EPB41L2: variants seen among roughly 807,000 people sequenced by gnomAD.
EPB41L2 encodes the protein erythrocyte membrane protein band 4.1 like 2.
Under a neutral mutation model 113.0 loss-of-function variants are expected in EPB41L2, and 43 were observed. That is an observed-to-expected ratio of 0.38 (90% CI 0.30 to 0.49). EPB41L2 has a LOEUF of 0.49. Ranked by LOEUF, EPB41L2 falls within the 20% of genes least tolerant of loss-of-function variation. The pLI, the probability that EPB41L2 is intolerant of heterozygous loss-of-function variation, is 0.95. For missense variants in EPB41L2, 1,147 were observed against 1,223.4 expected, an observed-to-expected ratio of 0.94 and a Z score of 0.93; for synonymous variants, 442 against 436.7, an observed-to-expected ratio of 1.01 and a Z score of -0.15.
chr6:130,962,589 A>G (rs1311947959), intron 1 of EPB41L2, among the ~76,000 whole-genome samples: 1 of 152,194 alleles, frequency 6.6e-6, no homozygotes, highest in African/African-American at 2.4e-5. Context: ...TTTATTTTTA[A>G]AAGGATAAGG....
rs1462680470 is a variant in EPB41L2, at chr6:130,926,678, T to C, written c.737A>G (p.Lys246Arg). Residue 246 changes from lysine (K) to arginine (R), a missense_variant, in exon 4 of 20, where the codon AAA (lysine) becomes AGA (arginine). Transcript: ENST00000337057. ...CAAGAGATTGAGGTGTTCACACACT[T>C]TGTCAAATAACACTTGTCCCTTGGC... ...KHAKGQVLFD[K>R]VCEHLNLLEK... is the part of the protein sequence containing the mutation. The C allele has an allele frequency of 1.2e-6, 2 of 1,608,462 alleles. No individual in the cohort carries two copies. The highest frequency in any genetic ancestry group is 1.7e-6 in the Non-Finnish European group (2 of 1,178,750).
In EPB41L2 at chr6:130,978,768, G is replaced by A. The variant is rs568302112; in HGVS notation, c.-14-22269C>T. 7 of 152,214 alleles carry A rather than the reference G, an allele frequency of 4.6e-5. No individual in the cohort carries two copies. The South Asian group carries it at 1.2e-3, about 27-fold the overall frequency. The allele number at this position is 152,214 out of a possible 1,614,324, so 9.4% of individuals were successfully genotyped here. The stretch of plus-strand genomic sequence containing the variant: ...AGTGTGAGAGCAGGGCATTTAAATA[G>A]CTAACTACAAAGGGAATAAGAGCTA... On this transcript the variant is annotated intron_variant, in intron 1 of 19. Coordinates refer to ENST00000337057, the MANE Select transcript of EPB41L2 (RefSeq NM_001431.4).
intron 1 of EPB41L2, among the ~76,000 whole-genome samples, chr6:131,028,951 C>T (rs557838843): frequency 5.3e-5 from 8 of 152,186 alleles, no homozygotes; most frequent in Non-Finnish European, 1.0e-4. Flanking sequence ...TTTGAATAGC[C>T]AGATTACTAA....
At chr6:130,864,719 A>G (rs577706374) in intron 17 of EPB41L2, among the ~76,000 whole-genome samples, 24 of 152,370 alleles carry the variant, frequency 1.6e-4, no homozygotes, top group African/African-American at 4.3e-4. Flanking sequence ...GATATGCTTT[A>G]AAATGAGCAC....
chr6:130,840,763 G>A (rs1287420245), intron 19 of EPB41L2, among the ~76,000 whole-genome samples, 165 bp from the exon 20 acceptor site: 1 of 152,152 alleles, frequency 6.6e-6, no homozygotes, highest in Non-Finnish European at 1.5e-5. Flanking sequence ...ACAAGCATGA[G>A]ACACTATTCC....
At position 130,870,085 on chromosome 6, in the gene EPB41L2, C is replaced by G. The variant is rs755319775; in HGVS notation, c.2085G>C (p.Arg695=). ...CTCTTTCGTCTTTCCCAACCTCTGCCCGCTTCTTCTCCTCCACTATATTCA... is the reference window on the plus strand; with the variant it reads ...CTCTTTCGTCTTTCCCAACCTCTGCGCGCTTCTTCTCCTCCACTATATTCA... ...ETLNIVEEKK[R]AEVGKDERVI... is the part of the protein sequence containing the mutation. The change falls in exon 15 of 20, where the codon CGG becomes CGC. Residue 695 remains arginine (R), a synonymous_variant. Transcript: ENST00000337057. The G allele has an allele frequency of 1.2e-6, 2 of 1,613,668 alleles. No individual in the cohort carries two copies. The highest frequency in any genetic ancestry group is 1.7e-5 in the Admixed American group (1 of 59,968).
intron 1 of EPB41L2, among the ~76,000 whole-genome samples, chr6:130,992,636 C>CTT (rs35391247): frequency 0.015 from 2,148 of 145,406 alleles, 51 homozygotes; most frequent in African/African-American, 0.051. Flanking sequence ...AATTCAAATT[C>CTT]TTTTTTTTTT....
At chr6:130,880,230 G>A in intron 12 of EPB41L2, 24 bp from the exon 13 acceptor site, 1 of 1,549,744 alleles carries the variant, frequency 6.5e-7, no homozygotes, top group Non-Finnish European at 8.9e-7. Context: ...TCACACACAG[G>A]GGGGAAAAGG....
chr6:130,908,638 A>C (rs1306067052), intron 5 of EPB41L2, among the ~76,000 whole-genome samples, 183 bp downstream of exon 5: 1 of 152,222 alleles, frequency 6.6e-6, no homozygotes, highest in Non-Finnish European at 1.5e-5. Flanking sequence ...GAACCTTCCC[A>C]AAAGTAGGAG....
At position 131,003,123 on chromosome 6, in the gene EPB41L2, TA is replaced by T. The variant is rs140385432; in HGVS notation, c.-14-46625del. 0.012 allele frequency among the ~76,000 whole-genome samples: 1,785 copies of T among 151,368 alleles called. 195 individuals carry two copies. In the East Asian group the frequency reaches 0.28, roughly 24 times the overall value. On this transcript the variant is annotated intron_variant, in intron 1 of 19. Coordinates refer to ENST00000337057, the MANE Select transcript of EPB41L2 (RefSeq NM_001431.4). ...TCTCTTTTTAAGTGTCACTTAGTTA[TA>T]AAATTCTACATTTAAAAAAAAATCA... is the stretch of plus-strand genomic sequence containing the variant.
chr6:131,057,913 G>A (rs1394940367), intron 1 of EPB41L2, among the ~76,000 whole-genome samples: 5 of 152,176 alleles, frequency 3.3e-5, no homozygotes, highest in African/African-American at 9.7e-5. Flanking sequence ...AACCTGGAAA[G>A]AACTAAAATG....
intron 3 of EPB41L2, among the ~76,000 whole-genome samples, chr6:130,951,312 C>CTTTTTTTTTT (rs34082234): frequency 2.0e-5 from 1 of 50,818 alleles, no homozygotes; most frequent in African/African-American, 1.3e-4. Flanking sequence ...AGCCTCAGTA[C>CTTTTTTTTTT]TTTTTTTTTT....
intron 8 of EPB41L2, among the ~76,000 whole-genome samples, chr6:130,896,558 C>T (rs1455829690): frequency 6.6e-6 from 1 of 152,184 alleles, no homozygotes; most frequent in Non-Finnish European, 1.5e-5. Flanking sequence ...AATCTTTGGA[C>T]AGGACAAGGA....
At position 130,983,709 on chromosome 6, in the gene EPB41L2, T is replaced by C. The variant is rs1368829994; in HGVS notation, c.-14-27210A>G. Reference sequence around the variant, plus strand: ...TGCCCTGCTGATTTTTTTTATTTTTTGTAGAGATGGGATTGCACCATGTTG... The same window carrying C: ...TGCCCTGCTGATTTTTTTTATTTTTCGTAGAGATGGGATTGCACCATGTTG... On this transcript the variant is annotated intron_variant, in intron 1 of 19. Transcript: ENST00000337057. Among the ~76,000 whole-genome samples the C allele has an allele frequency of 2.0e-5, 3 of 151,868 alleles. No homozygotes were observed. The East Asian group carries it at 5.8e-4, about 30-fold the overall frequency.
chr6:130,903,134 A>G (rs564161031), intron 6 of EPB41L2, among the ~76,000 whole-genome samples: 7 of 152,142 alleles, frequency 4.6e-5, no homozygotes, highest in Non-Finnish European at 1.0e-4. Context: ...CAAACTTGCA[A>G]TCACCAAAGG....
intron 6 of EPB41L2, among the ~76,000 whole-genome samples, chr6:130,903,122 T>C (rs1489130839): frequency 6.6e-6 from 1 of 152,132 alleles, no homozygotes; most frequent in African/African-American, 2.4e-5. Flanking sequence ...GTACTGATGC[T>C]ACAAACTTGC....
At chr6:130,881,228 C>T (rs925809738) in intron 12 of EPB41L2, 3 of 152,208 alleles carry the variant, frequency 2.0e-5, no homozygotes, top group Admixed American at 1.3e-4. Flanking sequence ...AGGTTAATTC[C>T]TAATATATAT....
chr6:131,045,389 A>G (rs1795258457), intron 1 of EPB41L2, among the ~76,000 whole-genome samples: 2 of 152,122 alleles, frequency 1.3e-5, no homozygotes, highest in Admixed American at 1.3e-4. Flanking sequence ...AGATGCTGGC[A>G]GAGATTCTTC....
Position 130,865,593 on chromosome 6 carries a change from G to A in EPB41L2, c.2772C>T (p.Thr924=), listed in dbSNP as rs150978866. The A allele has an allele frequency of 3.0e-5, 49 of 1,613,964 alleles. No individual in the cohort carries two copies. Among genetic ancestry groups the A allele is most frequent in the Admixed American group, 1.3e-4 (8 of 59,996 alleles). Residue 924 remains threonine (T), a synonymous_variant, in exon 17 of 20, where the codon ACC becomes ACT. Coordinates refer to ENST00000337057, the MANE Select transcript of EPB41L2 (RefSeq NM_001431.4). ...GAGGDSGTLL[T]AQTITSESVS... Reference sequence around the variant, plus strand: ...CGGACTCAGATGTGATGGTTTGTGCGGTCAGTAACGTGCCCGAATCACCAC... The same window carrying A: ...CGGACTCAGATGTGATGGTTTGTGCAGTCAGTAACGTGCCCGAATCACCAC...
Sources: allele counts gnomAD v4.1 joint callset (sites outside exome capture counted in the v4.1 genomes callset), GRCh38; gene constraint gnomAD v4.1.1; transcripts MANE v1.5; gene names NCBI Gene and HGNC (gene_info 2026-07-23, HGNC 2026-07-21).